VCAN: variants seen among roughly 807,000 people sequenced by gnomAD.
VCAN encodes versican.
A neutral mutation model predicts 245.5 loss-of-function variants in VCAN; 44 were observed. The ratio of observed to expected loss-of-function variants is 0.18; its 90% CI spans 0.14 to 0.23. The LOEUF is 0.23. Ranked by LOEUF, VCAN falls within the 10% of genes least tolerant of loss-of-function variation. The probability of loss-of-function intolerance (pLI) is 1.00; values close to 1 mark genes in which losing one functional copy is unlikely to be tolerated. For synonymous variants in VCAN, 1,413 were observed against 1,437.0 expected (o/e 0.98, Z 0.38); for missense variants, 3,793 against 4,057.9 (o/e 0.93, Z 1.77).
chr5:83,500,888 G>A (rs1455910975), intron 5 of VCAN, among the ~76,000 whole-genome samples: 1 of 152,156 alleles, frequency 6.6e-6, no homozygotes. Flanking sequence ...GAAATGCTAG[G>A]CTGTTTTTCA....
chr5:83,539,973 A>T lies in VCAN; in HGVS notation c.6970A>T (p.Ser2324Cys), dbSNP rs768306081. The T allele has an allele frequency of 6.2e-7, 1 of 1,614,130 alleles. No homozygotes were observed. The highest frequency in any genetic ancestry group is 2.2e-5 in the East Asian group (1 of 44,858). ...LVSQTDIFEG[S>C]GSVTSTTLIE... is the part of the protein sequence containing the mutation. ...ATCTCAAACAGACATCTTTGAAGGTAGTGGGTCAGTAACCAGCACAACATT... is the reference window on the plus strand; with the variant it reads ...ATCTCAAACAGACATCTTTGAAGGTTGTGGGTCAGTAACCAGCACAACATT... Residue 2324 changes from serine (S) to cysteine (C), a missense_variant, in exon 8 of 15, where the codon AGT becomes TGT. Coordinates refer to ENST00000265077, the MANE Select transcript of VCAN (RefSeq NM_004385.5).
rs745964278 is a variant in VCAN at position 83,520,300 on chromosome 5, T to C, written c.1994T>C (p.Val665Ala). Residue 665 changes from valine (V) to alanine (A), a missense_variant, in exon 7 of 15, where the codon GTA becomes GCA. By Grantham distance (64) the Val-to-Ala change is moderately conservative. This residue lies in a region of VCAN where 3,182 missense variants were observed against 3,250.3 expected (regional missense o/e 0.98). Transcript: ENST00000265077. The part of the protein sequence containing the change: ...LFPYSGDKIL[V>A]EGISTVIYPS... ...CCTTATTCTGGTGATAAAATATTAG[T>C]AGAGGGAATTTCCACAGTTATTTAT... is the stretch of plus-strand genomic sequence containing the variant. 3 of 1,613,844 alleles carry C rather than the reference T, an allele frequency of 1.9e-6. No individual in the cohort carries two copies. The highest frequency in any genetic ancestry group is 1.7e-6 in the Non-Finnish European group (2 of 1,179,936).
chr5:83,579,245 GTTTGTTTGTTTGT>G (rs1456246164), intron 13 of VCAN, among the ~76,000 whole-genome samples: 3 of 112,500 alleles, frequency 2.7e-5, no homozygotes, highest in African/African-American at 6.2e-5. Flanking sequence ...TTGTTTGTTT[GTTTGTTTGTTTGT>G]TTTGTTTTGT....
chr5:83,492,518 C>T (rs982782939), intron 3 of VCAN, among the ~76,000 whole-genome samples: 16 of 152,152 alleles, frequency 1.1e-4, no homozygotes, highest in African/African-American at 3.4e-4. Context: ...ATATTTACCC[C>T]AGCTAAAAAT....
chr5:83,556,088 A>G (rs1174758067), intron 12 of VCAN, among the ~76,000 whole-genome samples: 1 of 152,220 alleles, frequency 6.6e-6, no homozygotes, highest in Non-Finnish European at 1.5e-5. Flanking sequence ...TCTTAAGAGA[A>G]GCTGCTCCAT....
At chr5:83,548,218 C>G (rs1196091184) in intron 10 of VCAN, 134 bp downstream of exon 10, 1 of 734,634 alleles carries the variant, frequency 1.4e-6, no homozygotes, top group African/African-American at 1.7e-5. Context: ...TAGCTCAAAA[C>G]ATCTGAATCA....
rs372346098 is a variant in VCAN at position 83,497,687 on chromosome 5, C to T, written c.748+3756C>T. On this transcript the variant is annotated intron_variant, in intron 5 of 14. Transcript: ENST00000265077. Reference sequence around the variant, plus strand: ...AATAATCCTTATTAGGAATTTTAATCTTTGTTTCCCAGTAAGACAGATTTG... The same window carrying T: ...AATAATCCTTATTAGGAATTTTAATTTTTGTTTCCCAGTAAGACAGATTTG... Among the ~76,000 whole-genome samples, 7 of 151,844 alleles carry T rather than the reference C, an allele frequency of 4.6e-5. No individual in the cohort carries two copies. In the East Asian group the frequency reaches 7.7e-4, roughly 17 times the overall value.
At chr5:83,514,743 G>A (rs1745789310) in intron 6 of VCAN, among the ~76,000 whole-genome samples, 1 of 152,158 alleles carries the variant, frequency 6.6e-6, no homozygotes, top group Non-Finnish European at 1.5e-5. Context: ...ACAGGAGTGA[G>A]CCACTGCTCC....
At chr5:83,572,910 A>G (rs1403708018) in intron 13 of VCAN, among the ~76,000 whole-genome samples, 2 of 147,638 alleles carry the variant, frequency 1.4e-5, no homozygotes, top group Admixed American at 6.7e-5. Context: ...TATTATTATT[A>G]TTGTTTTTTG....
intron 5 of VCAN, among the ~76,000 whole-genome samples, chr5:83,494,333 C>G (rs1052087657): frequency 1.3e-5 from 2 of 152,172 alleles, no homozygotes; most frequent in African/African-American, 4.8e-5. Flanking sequence ...AACTAAATAA[C>G]TCCATAAACT....
rs953656808 is a variant in VCAN, at chr5:83,577,608, T to C, written c.9881-2372T>C. Among the ~76,000 whole-genome samples, 4 of 152,286 alleles carry C rather than the reference T, an allele frequency of 2.6e-5. No homozygotes were observed. The East Asian group carries it at 7.7e-4, about 29-fold the overall frequency. ...TATTTCTGCCTCAACAGCCTTAATTTTGGTTGACACTATCCTGAAGTCATA... is the reference window on the plus strand; with the variant it reads ...TATTTCTGCCTCAACAGCCTTAATTCTGGTTGACACTATCCTGAAGTCATA... On this transcript the variant is annotated intron_variant, in intron 13 of 14. Coordinates refer to ENST00000265077, the MANE Select transcript of VCAN (RefSeq NM_004385.5).
Position 83,537,039 on chromosome 5 carries a change from C to A in VCAN, c.4036C>A (p.Pro1346Thr), listed in dbSNP as rs751023698. The change falls in exon 8 of 15, where the codon CCA becomes ACA. Residue 1346 changes from proline to threonine, a missense_variant. Physicochemically the swap from Pro to Thr is conservative, Grantham distance 38. Coordinates refer to ENST00000265077, the MANE Select transcript of VCAN (RefSeq NM_004385.5). ...RMSDLSVIGH[P>T]IDSESKEDEP... is the part of the protein sequence containing the mutation. Reference sequence around the variant, plus strand: ...GAGTGATTTGAGTGTAATTGGTCATCCAATAGATTCAGAATCTAAAGAAGA... The same window carrying A: ...GAGTGATTTGAGTGTAATTGGTCATACAATAGATTCAGAATCTAAAGAAGA... The A allele has an allele frequency of 1.9e-6, 3 of 1,607,580 alleles. No homozygotes were observed. Among genetic ancestry groups the A allele is most frequent in the South Asian group, 1.1e-5 (1 of 89,700 alleles).
At position 83,539,504 on chromosome 5, in the gene VCAN, T is replaced by A; in HGVS notation, c.6501T>A (p.Asp2167Glu). The change falls in exon 8 of 15, where the codon GAT becomes GAA. Residue 2167 changes from aspartate to glutamate, a missense_variant. Asp to Glu is a conservative substitution (Grantham distance 45). Around this residue, in one of 5 missense-constraint regions of VCAN, gnomAD observed 3,182 missense variants for 3,250.3 expected, o/e 0.98. Coordinates refer to ENST00000265077, the MANE Select transcript of VCAN (RefSeq NM_004385.5). ...VLTTKKTYSD[D>E]KEMKEEDTSL... Reference sequence around the variant, plus strand: ...CAACAAAGAAAACTTACAGTGATGATAAAGAAATGAAGGAGGAAGACACTT... The same window carrying A: ...CAACAAAGAAAACTTACAGTGATGAAAAAGAAATGAAGGAGGAAGACACTT... The A allele has an allele frequency of 6.2e-7, 1 of 1,613,928 alleles. No individual in the cohort carries two copies. The highest frequency in any genetic ancestry group is 8.5e-7 in the Non-Finnish European group (1 of 1,179,970).
At chr5:83,566,171 G>C (rs1748072449) in intron 12 of VCAN, among the ~76,000 whole-genome samples, 1 of 151,898 alleles carries the variant, frequency 6.6e-6, no homozygotes, top group African/African-American at 2.4e-5. Context: ...ATGTTGGCCA[G>C]GCTGGTCTTG....
intron 13 of VCAN, among the ~76,000 whole-genome samples, chr5:83,574,275 C>T (rs1748397995): frequency 6.6e-6 from 1 of 152,126 alleles, no homozygotes; most frequent in Non-Finnish European, 1.5e-5. Context: ...TGAGACGTGC[C>T]CCAAATAATG....
intron 5 of VCAN, among the ~76,000 whole-genome samples, chr5:83,499,674 T>C (rs1391017817): frequency 6.6e-5 from 10 of 152,302 alleles, no homozygotes. Context: ...TGGCCTCTCA[T>C]GGTAAATTAT....
At chr5:83,472,788 G>A (rs1744242476) in intron 1 of VCAN, among the ~76,000 whole-genome samples, 1 of 152,192 alleles carries the variant, frequency 6.6e-6, no homozygotes, top group South Asian at 2.1e-4. Flanking sequence ...TGGGGGGTGG[G>A]GTTGTTGGAG....
At position 83,481,602 on chromosome 5, in the gene VCAN, T is replaced by C. The variant is rs201357059; in HGVS notation, c.-6-1911T>C. ...TTAGCAGATCCTAGTGATTATAGGA[T>C]AAATAACAAACTTAATTATCAGGGT... On this transcript the variant is annotated intron_variant, in intron 1 of 14. Transcript: ENST00000265077. Among the ~76,000 whole-genome samples, 4 of 152,178 alleles carry C rather than the reference T, an allele frequency of 2.6e-5. No individual in the cohort carries two copies. In the East Asian group the frequency reaches 7.7e-4, roughly 29 times the overall value.
At position 83,479,754 on chromosome 5, in the gene VCAN, T is replaced by C. The variant is rs138099080; in HGVS notation, c.-6-3759T>C. On this transcript the variant is annotated intron_variant, in intron 1 of 14. Coordinates refer to ENST00000265077, the MANE Select transcript of VCAN (RefSeq NM_004385.5). ...AATGACCAAGGATAGGGACATAGCCTTGAGAAAATTACAGAAGTGGAATGA... is the reference window on the plus strand; with the variant it reads ...AATGACCAAGGATAGGGACATAGCCCTGAGAAAATTACAGAAGTGGAATGA... Among the ~76,000 whole-genome samples the C allele has an allele frequency of 1.8e-3, 270 of 152,190 alleles. 2 individuals are homozygous for C. The highest frequency in any genetic ancestry group is 6.3e-3 in the African/African-American group (261 of 41,504).
Sources: gnomAD v4.1 joint callset for allele counts (sites outside exome capture counted in the v4.1 genomes callset) on GRCh38, gnomAD v4.1.1 for gene constraint, gnomAD v4.1.1 regional missense constraint, MANE v1.5 for transcripts, NCBI Gene and HGNC (gene_info 2026-07-23, HGNC 2026-07-21) for gene names.